HADHA: variants seen among roughly 807,000 people sequenced by gnomAD.
HADHA encodes the protein trifunctional enzyme subunit alpha, mitochondrial.
A neutral mutation model predicts 91.3 loss-of-function variants in HADHA; 59 were observed. The ratio of observed to expected loss-of-function variants is 0.65; its 90% CI spans 0.52 to 0.80. HADHA has a LOEUF of 0.80. Ranked by LOEUF, HADHA falls within the 30% of genes least tolerant of loss-of-function variation. The pLI is 0.00. For missense variants in HADHA, 800 were observed against 927.6 expected (o/e 0.86, Z 1.79); for synonymous variants, 320 against 338.9 (o/e 0.94, Z 0.61).
chr2:26,214,990 A>T lies in HADHA; in HGVS notation c.799+63T>A. 7.1e-7 allele frequency: 1 copy of T among 1,418,062 alleles called. No individual in the cohort carries two copies. Among genetic ancestry groups the T allele is most frequent in the Non-Finnish European group, 1.0e-6 (1 of 1,004,000 alleles). 87.8% of individuals were successfully genotyped at this position (1,418,062 alleles called of 1,614,324 possible). ...TACCACTTCCTCATTTTGAATCTAC[A>T]GCAAATAAAATTAAATTCTCAGGAA... is the stretch of plus-strand genomic sequence containing the variant. On this transcript the variant is annotated intron_variant, in intron 8 of 19. Coordinates refer to ENST00000380649, the MANE Select transcript of HADHA (RefSeq NM_000182.5). The surrounding 1 kb of genome is among the most constrained non-coding windows in gnomAD (Gnocchi z 4.1).
intron 7 of HADHA, among the ~76,000 whole-genome samples, chr2:26,215,431 T>C (rs1416178012): frequency 6.6e-6 from 1 of 152,168 alleles, no homozygotes; most frequent in African/African-American, 2.4e-5. Context: ...TAGAATGTAG[T>C]ATGTAACACA....
intron 7 of HADHA, among the ~76,000 whole-genome samples, chr2:26,220,864 T>G (rs929506399): frequency 6.6e-6 from 1 of 152,244 alleles, no homozygotes; most frequent in East Asian, 1.9e-4. Context: ...TGTGATATTA[T>G]GCTGAATGGA....
intron 11 of HADHA, among the ~76,000 whole-genome samples, chr2:26,207,461 A>T (rs1332385528): frequency 2.0e-5 from 3 of 152,052 alleles, no homozygotes; most frequent in Non-Finnish European, 4.4e-5. Context: ...CTCATTTCTT[A>T]ACTGTTATGC....
At position 26,190,785 on chromosome 2, in the gene HADHA, C is replaced by T; in HGVS notation, c.*465G>A. The T allele has an allele frequency of 4.0e-6, 1 of 252,016 alleles. No homozygotes were observed. The highest frequency in any genetic ancestry group is 5.2e-5 in the South Asian group (1 of 19,294). 15.6% of individuals were successfully genotyped at this position (252,016 alleles called of 1,614,324 possible). A position where few individuals can be genotyped will look rare whatever the true frequency, so the allele number is the denominator to read the frequency against. On this transcript the variant is annotated 3_prime_UTR_variant, in exon 20 of 20. Coordinates refer to ENST00000380649, the MANE Select transcript of HADHA (RefSeq NM_000182.5). ...CCCTAAGGTGCTGCCTAGAATTCTG[C>T]ACACACATTCTTACTCCCCCAAAGC...
chr2:26,219,006 C>CGAA, intron 7 of HADHA, among the ~76,000 whole-genome samples: 1 of 102,712 alleles, frequency 9.7e-6, no homozygotes, highest in South Asian at 3.7e-4. Flanking sequence ...GACTCCGTCT[C>CGAA]AAAAAAAAAA....
rs1362275039 is a variant in HADHA at position 26,229,620 on chromosome 2, AAT to A, written c.676+570_676+571del. 6.6e-6 allele frequency among the ~76,000 whole-genome samples: 1 copy of A among 152,234 alleles called. No individual in the cohort carries two copies. Among genetic ancestry groups the A allele is most frequent in the Non-Finnish European group, 1.5e-5 (1 of 68,044 alleles). The stretch of plus-strand genomic sequence containing the variant: ...AACTGAAGGAAGGTTATGCATGGAT[AAT>A]GATACAGGTAATTTAAGAACCAAAA... On this transcript the variant is annotated intron_variant, in intron 7 of 19. Transcript: ENST00000380649. The surrounding 1 kb of genome is among the most constrained non-coding windows in gnomAD (Gnocchi z 4.3).
At position 26,201,191 on chromosome 2, in the gene HADHA, C is replaced by T. The variant is rs1455503627; in HGVS notation, c.1350G>A (p.Glu450=). ...KADMVIEAVF[E]DLSLKHRVLK... is the part of the protein sequence containing the mutation. Reference sequence around the variant, plus strand: ...GCACTCTGTGCTTAAGACTAAGGTCCTCAAACACAGCTTCAATCACCATGT... The same window carrying T: ...GCACTCTGTGCTTAAGACTAAGGTCTTCAAACACAGCTTCAATCACCATGT... Residue 450 remains glutamate (E), a synonymous_variant, in exon 13 of 20, where the codon GAG becomes GAA. Transcript: ENST00000380649. The T allele has an allele frequency of 5.6e-6, 9 of 1,613,850 alleles. No homozygotes were observed. The South Asian group carries it at 9.9e-5, about 18-fold the overall frequency.
chr2:26,192,780 C>A (rs1054196408), intron 17 of HADHA, among the ~76,000 whole-genome samples: 5 of 152,140 alleles, frequency 3.3e-5, no homozygotes, highest in Admixed American at 6.6e-5. Context: ...CCTGAGAATT[C>A]TTGTCTCTGT....
rs1304950507 is a variant in HADHA, at chr2:26,230,198, G to C, written c.670C>G (p.Pro224Ala). 6.3e-7 allele frequency: 1 copy of C among 1,585,138 alleles called. No homozygotes were observed. The highest frequency in any genetic ancestry group is 8.7e-7 in the Non-Finnish European group (1 of 1,153,624). The change falls in exon 7 of 20, where the codon CCC (proline) becomes GCC (alanine). Residue 224 changes from proline (P) to alanine (A), a missense_variant. By Grantham distance (27) the Pro-to-Ala change is conservative. Coordinates refer to ENST00000380649, the MANE Select transcript of HADHA (RefSeq NM_000182.5). The stretch of plus-strand genomic sequence containing the variant: ...GAGATGTGCTAACACTTACCCAGGG[G>C]TTCCACCAGTTGGTCAACCAGTCCC... ...KMGLVDQLVE[P>A]LGPGLKPPEE...
chr2:26,239,768 G>A (rs1404859350), intron 1 of HADHA, among the ~76,000 whole-genome samples: 4 of 151,942 alleles, frequency 2.6e-5, no homozygotes, highest in Non-Finnish European at 5.9e-5. Context: ...ACCAGAAGCA[G>A]AATGGGGTGA....
chr2:26,224,779 A>G (rs1160329674), intron 7 of HADHA, among the ~76,000 whole-genome samples: 1 of 152,200 alleles, frequency 6.6e-6, no homozygotes, highest in African/African-American at 2.4e-5. Context: ...TAGTCTTCAG[A>G]TATGTTAACT....
chr2:26,242,058 C>T (rs190091832), intron 1 of HADHA, among the ~76,000 whole-genome samples: 1 of 152,222 alleles, frequency 6.6e-6, no homozygotes, highest in East Asian at 1.9e-4. Flanking sequence ...TGTGCCACCA[C>T]ACCTGGCCAA....
Position 26,195,151 on chromosome 2 carries a change from T to C in HADHA, c.1561A>G (p.Thr521Ala). ...CCAACTGCTACAGCTGAAGCACTGG[T>C]GTCTTTGGAAGTTTTCTCGGTCGTG... ...IITTEKTSKD[T>A]SASAVAVGLK... The change falls in exon 15 of 20, where the codon ACC becomes GCC. Residue 521 changes from threonine (T) to alanine (A), a missense_variant. Transcript: ENST00000380649. The C allele has an allele frequency of 6.2e-7, 1 of 1,612,782 alleles. No individual in the cohort carries two copies. Among genetic ancestry groups the C allele is most frequent in the East Asian group, 2.2e-5 (1 of 44,860 alleles).
At chr2:26,209,724 G>A (rs1391483094) in intron 11 of HADHA, 56 bp downstream of exon 11, 5 of 869,388 alleles carry the variant, frequency 5.8e-6, no homozygotes, top group Admixed American at 1.7e-5. Context: ...CAAAGCCTCT[G>A]TGAACTTTGC....
intron 3 of HADHA, among the ~76,000 whole-genome samples, chr2:26,238,301 G>A (rs116507655): frequency 0.018 from 2,753 of 152,266 alleles, 82 homozygotes; most frequent in African/African-American, 0.061. Context: ...ACAGTGCCCA[G>A]CCTGGCTACA....
At chr2:26,193,325 C>T (rs1165492342) in intron 17 of HADHA, among the ~76,000 whole-genome samples, 6 of 144,962 alleles carry the variant, frequency 4.1e-5, no homozygotes, top group South Asian at 2.2e-4. Flanking sequence ...GAAGGGGCCT[C>T]GCCATGTTGC....
rs746387612 is a variant in HADHA at position 26,239,088 on chromosome 2, G to T, written c.109+14C>A. The T allele has an allele frequency of 1.3e-6, 2 of 1,595,930 alleles. No individual in the cohort carries two copies. Among genetic ancestry groups the T allele is most frequent in the South Asian group, 2.2e-5 (2 of 90,688 alleles). On this transcript the variant is annotated intron_variant, in intron 2 of 19. Transcript: ENST00000380649. ...GCAATGTAAGCATACACATTAAAAA[G>T]AAATTAAACTTACTCAGCAAAGCAG... is the stretch of plus-strand genomic sequence containing the variant.
rs111312023 is a variant in HADHA, at chr2:26,241,526, C to A, written c.68-2383G>T. 5.4e-3 allele frequency among the ~76,000 whole-genome samples: 818 copies of A among 151,904 alleles called. 6 individuals are homozygous for A. The highest frequency in any genetic ancestry group is 0.019 in the African/African-American group (793 of 41,420). ...GTTAGCTGGGCGTGGTGGCAGGAGC[C>A]TGTAATCCCAGCTACTCTGGAGGCT... On this transcript the variant is annotated intron_variant, in intron 1 of 19. Coordinates refer to ENST00000380649, the MANE Select transcript of HADHA (RefSeq NM_000182.5).
chr2:26,231,264 T>C (rs1161002688), intron 6 of HADHA, among the ~76,000 whole-genome samples: 1 of 152,234 alleles, frequency 6.6e-6, no homozygotes, highest in African/African-American at 2.4e-5. Context: ...TGTGCTCAAT[T>C]GAGATCAACT....
Sources: gnomAD v4.1 joint callset for allele counts (sites outside exome capture counted in the v4.1 genomes callset) on GRCh38, gnomAD v4.1.1 for gene constraint, Gnocchi (gnomAD v3.1) non-coding constraint, MANE v1.5 for transcripts, NCBI Gene and HGNC (gene_info 2026-07-23, HGNC 2026-07-21) for gene names.